STK32B: variants seen among roughly 807,000 people sequenced by gnomAD.
STK32B encodes the protein serine/threonine kinase 32B, also known as serine/threonine-protein kinase 32B.
STK32B carries 43 observed loss-of-function variants against 52.6 expected under a neutral mutation model. The ratio of observed to expected loss-of-function variants is 0.82; its 90% CI spans 0.64 to 1.05. STK32B has a LOEUF of 1.05. Ranked by LOEUF, STK32B falls within the 50% of genes least tolerant of loss-of-function variation. STK32B has a pLI of 0.00. For synonymous variants in STK32B, 238 were observed against 204.3 expected, an observed-to-expected ratio of 1.17 and a Z score of -1.41; for missense variants, 621 against 534.6, an observed-to-expected ratio of 1.16 and a Z score of -1.59.
At chr4:5,420,227 T>C (rs1316212701) in intron 6 of STK32B, among the ~76,000 whole-genome samples, 1 of 152,172 alleles carries the variant, frequency 6.6e-6, no homozygotes, top group Non-Finnish European at 1.5e-5. Context: ...CAGCAACTCC[T>C]TTTTAGCAAA....
chr4:5,494,956 G>A (rs1054747673), intron 11 of STK32B, among the ~76,000 whole-genome samples: 2 of 152,156 alleles, frequency 1.3e-5, no homozygotes, highest in Non-Finnish European at 2.9e-5. Context: ...CTGTTAGTCT[G>A]ATGGGCTTCC....
At chr4:5,461,786 C>T (rs1475124113) in intron 9 of STK32B, among the ~76,000 whole-genome samples, 6 of 152,192 alleles carry the variant, frequency 3.9e-5, no homozygotes, top group Admixed American at 2.6e-4. Context: ...GGCCATGTGC[C>T]GTTCCCACTG....
intron 4 of STK32B, among the ~76,000 whole-genome samples, chr4:5,355,510 G>A (rs1734114425): frequency 6.6e-6 from 1 of 152,048 alleles, no homozygotes; most frequent in Non-Finnish European, 1.5e-5. Context: ...TTATCTGTCA[G>A]AACTTATGAT....
intron 3 of STK32B, among the ~76,000 whole-genome samples, chr4:5,169,456 A>G (rs1334370155): frequency 2.0e-5 from 3 of 152,184 alleles, no homozygotes; most frequent in Non-Finnish European, 4.4e-5. Context: ...CTAGCTTTGC[A>G]CATACTTGAC....
chr4:5,294,565 C>T (rs879831194), intron 3 of STK32B, among the ~76,000 whole-genome samples: 1 of 152,068 alleles, frequency 6.6e-6, no homozygotes, highest in Admixed American at 6.6e-5. Context: ...CATGATTTGG[C>T]TCTCTGTTTG....
chr4:5,240,105 C>T (rs994903034), intron 3 of STK32B, among the ~76,000 whole-genome samples: 1 of 149,776 alleles, frequency 6.7e-6, no homozygotes, highest in African/African-American at 2.5e-5. Context: ...TCCTCTTTAT[C>T]CTTGGGTTTG....
chr4:5,252,952 C>G (rs1726042175), intron 3 of STK32B, among the ~76,000 whole-genome samples: 1 of 152,128 alleles, frequency 6.6e-6, no homozygotes, highest in Non-Finnish European at 1.5e-5. Context: ...CACCATGTCT[C>G]CATTCTATTT....
chr4:5,239,089 A>T (rs1724824463), intron 3 of STK32B, among the ~76,000 whole-genome samples: 1 of 152,120 alleles, frequency 6.6e-6, no homozygotes, highest in Non-Finnish European at 1.5e-5. Flanking sequence ...ATGCTGCAGG[A>T]GCAGTGCATG....
intron 7 of STK32B, among the ~76,000 whole-genome samples, chr4:5,454,041 A>C (rs1716271385): frequency 6.6e-6 from 1 of 152,096 alleles, no homozygotes; most frequent in South Asian, 2.1e-4. Context: ...GCAGCCCCAT[A>C]GATTCCCTCC....
chr4:5,051,277 T>A (rs1281269923), upstream of STK32B, among the ~76,000 whole-genome samples: 1 of 151,966 alleles, frequency 6.6e-6, no homozygotes, highest in African/African-American at 2.4e-5. Context: ...GGATGTGGGA[T>A]GGTGCTAACA....
intron 5 of STK32B, among the ~76,000 whole-genome samples, chr4:5,410,764 A>T (rs1467392792): frequency 1.3e-5 from 2 of 152,226 alleles, no homozygotes; most frequent in Admixed American, 6.5e-5. Context: ...ACAATAAGGA[A>T]TGAAGAAAGG....
chr4:5,439,901 A>G (rs1714542714), intron 6 of STK32B, among the ~76,000 whole-genome samples: 1 of 152,118 alleles, frequency 6.6e-6, no homozygotes, highest in African/African-American at 2.4e-5. Flanking sequence ...TTTGTCAAAG[A>G]TCAGATAGTT....
At chr4:5,068,901 G>C (rs1711588784) in intron 1 of STK32B, among the ~76,000 whole-genome samples, 1 of 152,140 alleles carries the variant, frequency 6.6e-6, no homozygotes, top group Non-Finnish European at 1.5e-5. Context: ...GTTACCTTTT[G>C]TGTGTGCATG....
chr4:5,248,192 G>T (rs1331530506), intron 3 of STK32B, among the ~76,000 whole-genome samples: 2 of 152,164 alleles, frequency 1.3e-5, no homozygotes, highest in Admixed American at 6.5e-5. Flanking sequence ...TGAAGTACCT[G>T]CTCAGTATAA....
In STK32B at chr4:5,447,554, T is replaced by C. The variant is rs140371152; in HGVS notation, c.666+778T>C. ...GGGAGGCTGAGGCAGGAGAATCACT[T>C]GAGCCTGGGAGGTCAAGGCTGCAGT... On this transcript the variant is annotated intron_variant, in intron 7 of 11. Transcript: ENST00000282908. Among the ~76,000 whole-genome samples the C allele has an allele frequency of 4.7e-3, 718 of 152,308 alleles. 17 individuals are homozygous for C. The East Asian group carries it at 0.068, about 15-fold the overall frequency.
chr4:5,443,677 C>G (rs1715021202), intron 6 of STK32B, among the ~76,000 whole-genome samples: 1 of 152,052 alleles, frequency 6.6e-6, no homozygotes, highest in Admixed American at 6.5e-5. Context: ...GAGAGGCGCT[C>G]TGCTTTTTAG....
intron 3 of STK32B, among the ~76,000 whole-genome samples, chr4:5,186,367 C>T (rs1001585777): frequency 3.3e-5 from 5 of 152,134 alleles, no homozygotes; most frequent in South Asian, 2.1e-4. Context: ...TAGCATCTGA[C>T]GTTCAGTAGA....
chr4:5,070,488 T>C (rs941845317), intron 1 of STK32B, among the ~76,000 whole-genome samples: 1 of 152,100 alleles, frequency 6.6e-6, no homozygotes, highest in Non-Finnish European at 1.5e-5. Context: ...TAAAAGTCCT[T>C]GGATGCCTAA....
intron 3 of STK32B, among the ~76,000 whole-genome samples, chr4:5,328,101 A>G (rs1339646999): frequency 6.6e-6 from 1 of 152,174 alleles, no homozygotes. Flanking sequence ...CTCAGCATTC[A>G]TAGAACTGAA....
Sources: gnomAD v4.1 joint callset for allele counts (sites outside exome capture counted in the v4.1 genomes callset) on GRCh38, gnomAD v4.1.1 for gene constraint, MANE v1.5 for transcripts, NCBI Gene and HGNC (gene_info 2026-07-23, HGNC 2026-07-21) for gene names.